The following EXOC2 variants were observed in gnomAD, a reference collection of about 807,000 sequenced individuals.
EXOC2 encodes SEC5-like 1.
In EXOC2, 70 loss-of-function variants were observed where a neutral mutation model predicts 131.8. That is an observed-to-expected ratio of 0.53 (90% CI 0.44 to 0.65). The LOEUF (loss-of-function observed/expected upper bound fraction) is 0.65. Among genes scored for constraint, EXOC2 ranks in the 30% least tolerant of loss-of-function variants. The pLI is 0.00. For synonymous variants in EXOC2, 411 were observed against 398.4 expected (o/e 1.03, Z -0.38); for missense variants, 923 against 1,108.6 (o/e 0.83, Z 2.38).
rs1765496143 is a variant in EXOC2 at position 522,028 on chromosome 6, C to T, written c.2380+10441G>A. ...GTTCATTTTCACCTATCATCTATGG[C>T]TTGAGTAACCCTTACCAAGGCATTA... On this transcript the variant is annotated intron_variant, in intron 23 of 27. Coordinates refer to ENST00000230449, the MANE Select transcript of EXOC2 (RefSeq NM_018303.6). Among the ~76,000 whole-genome samples, 4 of 152,328 alleles carry T rather than the reference C, an allele frequency of 2.6e-5. No individual in the cohort carries two copies. In the South Asian group the frequency reaches 8.3e-4, roughly 32 times the overall value.
chr6:672,059 C>T (rs1297556869), intron 1 of EXOC2, among the ~76,000 whole-genome samples: 3 of 152,080 alleles, frequency 2.0e-5, no homozygotes, highest in Non-Finnish European at 2.9e-5. Context: ...TTCTTGGTTC[C>T]CACTATACAT....
chr6:667,875 AT>A (rs1763683771), intron 1 of EXOC2, among the ~76,000 whole-genome samples: 1 of 151,046 alleles, frequency 6.6e-6, no homozygotes, highest in African/African-American at 2.4e-5. Flanking sequence ...CCATCCATCC[AT>A]CCATCCATCC....
intron 1 of EXOC2, among the ~76,000 whole-genome samples, chr6:640,576 A>G (rs991874458): frequency 1.3e-5 from 2 of 152,224 alleles, no homozygotes; most frequent in African/African-American, 4.8e-5. Flanking sequence ...GAGGTAATAA[A>G]GGTGAAACGA....
intron 22 of EXOC2, among the ~76,000 whole-genome samples, chr6:542,868 G>A (rs17754342): frequency 6.6e-6 from 1 of 152,028 alleles, no homozygotes; most frequent in East Asian, 1.9e-4. Flanking sequence ...AAAGAGGCAA[G>A]AGAGCCAGAT....
chr6:648,003 G>C (rs974545888), intron 1 of EXOC2, among the ~76,000 whole-genome samples: 1 of 152,112 alleles, frequency 6.6e-6, no homozygotes, highest in Non-Finnish European at 1.5e-5. Context: ...TGGTTCATTT[G>C]CAACAATCGT....
intron 1 of EXOC2, among the ~76,000 whole-genome samples, chr6:685,975 CT>C (rs58492950): frequency 0.62 from 81,168 of 131,360 alleles, 25,593 homozygotes; most frequent in East Asian, 0.83. Context: ...TCCTGGACCT[CT>C]TTTTTTTTTT....
intron 11 of EXOC2, among the ~76,000 whole-genome samples, chr6:590,648 C>T (rs1256569940): frequency 6.6e-6 from 1 of 152,202 alleles, no homozygotes; most frequent in African/African-American, 2.4e-5. Context: ...GGACATTTCT[C>T]TTTCATCTTC....
chr6:491,304 A>C (rs1581282344), intron 25 of EXOC2, 118 bp from the exon 26 acceptor site: 3 of 909,434 alleles, frequency 3.3e-6, no homozygotes, highest in Non-Finnish European at 3.5e-6. Context: ...GCGTAATACC[A>C]CCATGGTGAC....
intron 4 of EXOC2, among the ~76,000 whole-genome samples, chr6:625,583 T>C (rs2127693252): frequency 6.9e-6 from 1 of 145,860 alleles, no homozygotes; most frequent in African/African-American, 2.5e-5. Context: ...TCATTGCCCA[T>C]CTATTTTTAC....
At chr6:684,618 A>G (rs1339367746) in intron 1 of EXOC2, among the ~76,000 whole-genome samples, 1 of 152,192 alleles carries the variant, frequency 6.6e-6, no homozygotes, top group Non-Finnish European at 1.5e-5. Context: ...GTTTTCTGCA[A>G]CAGAAGTCAG....
Position 530,903 on chromosome 6 carries a change from A to C in EXOC2, c.2380+1566T>G, listed in dbSNP as rs142583810. Among the ~76,000 whole-genome samples the C allele has an allele frequency of 5.4e-3, 830 of 152,370 alleles. 10 individuals carry two copies. The highest frequency in any genetic ancestry group is 0.019 in the African/African-American group (788 of 41,592). The stretch of plus-strand genomic sequence containing the variant: ...CATGACTCCCTAAATGATACAGTTT[A>C]ACAACTATTCACAAAGCACGGGCAT... On this transcript the variant is annotated intron_variant, in intron 23 of 27. Transcript: ENST00000230449.
At position 589,618 on chromosome 6, in the gene EXOC2, C is replaced by T. The variant is rs149439750; in HGVS notation, c.1192+2851G>A. 1.1e-3 allele frequency among the ~76,000 whole-genome samples: 171 copies of T among 152,294 alleles called. 2 individuals carry two copies. The highest frequency in any genetic ancestry group is 1.7e-3 in the South Asian group (8 of 4,830). On this transcript the variant is annotated intron_variant, in intron 11 of 27. Coordinates refer to ENST00000230449, the MANE Select transcript of EXOC2 (RefSeq NM_018303.6). ...TGATTTTTTAGATGGTGTGTTTCTC[C>T]CTAGACCACAAGCTCCAAGAGGCCA...
intron 13 of EXOC2, among the ~76,000 whole-genome samples, chr6:571,392 C>G (rs777971692): frequency 3.9e-5 from 6 of 152,198 alleles, no homozygotes; most frequent in Non-Finnish European, 8.8e-5. Flanking sequence ...AGAAAACCAA[C>G]CATTCACATA....
chr6:630,929 A>G lies in EXOC2; in HGVS notation c.296-968T>C, dbSNP rs533173801. Among the ~76,000 whole-genome samples, 20 of 152,366 alleles carry G rather than the reference A, an allele frequency of 1.3e-4. No individual in the cohort carries two copies. The South Asian group carries it at 4.1e-3, about 32-fold the overall frequency. On this transcript the variant is annotated intron_variant, in intron 3 of 27. Coordinates refer to ENST00000230449, the MANE Select transcript of EXOC2 (RefSeq NM_018303.6). ...GTGTGGACCCTGTGAACAAGACAAC[A>G]TAAGCTCTAAAAACAGCATCTTCCT...
chr6:656,649 G>A (rs1160417759), intron 1 of EXOC2: 2 of 1,607,288 alleles, frequency 1.2e-6, no homozygotes, highest in Admixed American at 1.7e-5. Context: ...CAGCTTCAGG[G>A]AGGACGCGCC....
rs1764530943 is a variant in EXOC2, at chr6:506,151, G to C, written c.2381-6451C>G. On this transcript the variant is annotated intron_variant, in intron 23 of 27. Transcript: ENST00000230449. The surrounding 1 kb of genome is among the most constrained non-coding windows in gnomAD (Gnocchi z 4.4). ...TGAATAAAGTAAGTACAGTAGTATA[G>C]AATATTGCTGAGGCTTAATCTATTT... 6.6e-6 allele frequency among the ~76,000 whole-genome samples: 1 copy of C among 152,196 alleles called. No homozygotes were observed. Among genetic ancestry groups the C allele is most frequent in the Non-Finnish European group, 1.5e-5 (1 of 68,034 alleles).
At chr6:631,563 A>G (rs1761858992) in intron 3 of EXOC2, among the ~76,000 whole-genome samples, 1 of 152,126 alleles carries the variant, frequency 6.6e-6, no homozygotes, top group South Asian at 2.1e-4. Context: ...AGAAAAAAAA[A>G]AAGAAACCTT....
chr6:498,245 A>C (rs1389869809), intron 24 of EXOC2, among the ~76,000 whole-genome samples: 1 of 152,234 alleles, frequency 6.6e-6, no homozygotes, highest in Non-Finnish European at 1.5e-5. Context: ...AATACTATGA[A>C]TGAAATTCTC....
intron 23 of EXOC2, among the ~76,000 whole-genome samples, chr6:522,684 G>C (rs1765538128): frequency 6.6e-6 from 1 of 150,418 alleles, no homozygotes. Context: ...ACAGCGTGTG[G>C]GGGAGCATTG....
Sources: allele counts gnomAD v4.1 joint callset (sites outside exome capture counted in the v4.1 genomes callset), GRCh38; gene constraint gnomAD v4.1.1; non-coding constraint Gnocchi (gnomAD v3.1); transcripts MANE v1.5; gene names NCBI Gene and HGNC (gene_info 2026-07-23, HGNC 2026-07-21).